The following LYZL4 variants were observed in gnomAD, a reference collection of about 807,000 sequenced individuals.
LYZL4 encodes the protein lysozyme-like protein 4.
LYZL4 carries 13 observed loss-of-function variants against 17.6 expected under a neutral mutation model. That is an observed-to-expected ratio of 0.74 (90% CI 0.48 to 1.18). The LOEUF (loss-of-function observed/expected upper bound fraction) is 1.18, where lower values mean the gene tolerates loss of function less well. Among genes scored for constraint, LYZL4 ranks in the 50% most tolerant of loss-of-function variants. The pLI, the probability that LYZL4 is intolerant of heterozygous loss-of-function variation, is 0.00. For missense variants in LYZL4, 174 were observed against 188.2 expected, an observed-to-expected ratio of 0.92 and a Z score of 0.44; for synonymous variants, 64 against 67.7, an observed-to-expected ratio of 0.95 and a Z score of 0.27.
chr3:42,383,065 C>G, the LYZL4 span, among the ~76,000 whole-genome samples: 1 of 152,208 alleles, frequency 6.6e-6, no homozygotes, highest in South Asian at 2.1e-4. Flanking sequence ...TCCCCCACTA[C>G]TCTAGCAGAA....
the LYZL4 span, among the ~76,000 whole-genome samples, chr3:42,369,991 G>A: frequency 6.6e-6 from 1 of 152,150 alleles, no homozygotes; most frequent in Non-Finnish European, 1.5e-5. Flanking sequence ...AATCCAGCCT[G>A]GGTAACACAG....
At chr3:42,374,959 A>G in the LYZL4 span, among the ~76,000 whole-genome samples, 3 of 151,956 alleles carry the variant, frequency 2.0e-5, no homozygotes, top group Non-Finnish European at 4.4e-5. Context: ...AAAGGGGTGC[A>G]CCACCATACC....
chr3:42,406,323 G>A (rs1216516927), intron 3 of LYZL4, among the ~76,000 whole-genome samples: 1 of 151,740 alleles, frequency 6.6e-6, no homozygotes, highest in Non-Finnish European at 1.5e-5. Context: ...GCATAGTGGC[G>A]GGCGCCTGTA....
chr3:42,380,735 C>A, the LYZL4 span, among the ~76,000 whole-genome samples: 1 of 152,176 alleles, frequency 6.6e-6, no homozygotes, highest in Non-Finnish European at 1.5e-5. Flanking sequence ...CTTATTGGAG[C>A]TTCTGGAGTA....
chr3:42,365,926 G>A, the LYZL4 span, among the ~76,000 whole-genome samples: 1 of 152,094 alleles, frequency 6.6e-6, no homozygotes, highest in Non-Finnish European at 1.5e-5. Flanking sequence ...AAGTAAAACA[G>A]CTACTTAGAA....
At chr3:42,382,059 A>T in the LYZL4 span, among the ~76,000 whole-genome samples, 1 of 152,234 alleles carries the variant, frequency 6.6e-6, no homozygotes, top group Non-Finnish European at 1.5e-5. Context: ...AGAGAGGAGA[A>T]GAAGTAAGAA....
chr3:42,377,625 C>CTGTGTGTGTGTGTG, the LYZL4 span, among the ~76,000 whole-genome samples: 1,062 of 143,750 alleles, frequency 7.4e-3, 10 homozygotes, highest in Admixed American at 0.02. Context: ...GCATGACTCT[C>CTGTGTGTGTGTGTG]TGTGTGTGTG....
At chr3:42,408,721 TG>T (rs1698809567) in intron 1 of LYZL4, among the ~76,000 whole-genome samples, 1 of 152,182 alleles carries the variant, frequency 6.6e-6, no homozygotes, top group East Asian at 1.9e-4. Context: ...CCCTCCTGTT[TG>T]TCACCGTTCA....
the LYZL4 span, among the ~76,000 whole-genome samples, chr3:42,383,802 G>C: frequency 1.3e-5 from 2 of 151,966 alleles, no homozygotes; most frequent in East Asian, 1.9e-4. Flanking sequence ...AAGAAGTCGA[G>C]AAAATTGAGA....
intron 3 of LYZL4, among the ~76,000 whole-genome samples, chr3:42,404,918 G>A (rs918899282): frequency 6.6e-5 from 10 of 152,164 alleles, no homozygotes; most frequent in African/African-American, 2.4e-4. Context: ...ACTAGACTGT[G>A]ATTGTTGTAA....
the LYZL4 span, among the ~76,000 whole-genome samples, chr3:42,379,897 G>C: frequency 6.6e-6 from 1 of 152,192 alleles, no homozygotes; most frequent in African/African-American, 2.4e-5. Context: ...CCTGGGATTA[G>C]TGCTCTTACA....
downstream of LYZL4, among the ~76,000 whole-genome samples, chr3:42,392,810 A>G (rs934887276): frequency 6.6e-6 from 1 of 152,168 alleles, no homozygotes; most frequent in Non-Finnish European, 1.5e-5. Flanking sequence ...CAATGGAAAG[A>G]TATGAGGTGG....
At chr3:42,396,821 C>T (rs957673632), downstream of LYZL4, among the ~76,000 whole-genome samples, 7 of 152,232 alleles carry the variant, frequency 4.6e-5, no homozygotes, top group South Asian at 2.1e-4. Flanking sequence ...CTCCCTTCCC[C>T]GTGTGTCCCA....
chr3:42,374,139 T>A, the LYZL4 span, among the ~76,000 whole-genome samples: 1 of 152,316 alleles, frequency 6.6e-6, no homozygotes, highest in South Asian at 2.1e-4. Context: ...TACCATTGTT[T>A]AAGAACCTTC....
chr3:42,375,158 C>T, the LYZL4 span, among the ~76,000 whole-genome samples: 1 of 152,124 alleles, frequency 6.6e-6, no homozygotes, highest in South Asian at 2.1e-4. Context: ...CCCCCGCCTC[C>T]ACAAGCAGTT....
In LYZL4 at chr3:42,397,212, C is replaced by T. The variant is rs1698563058; in HGVS notation, c.*53G>A. ...TTGACTGAAGCAGCAAGCAGAAAAG[C>T]ACCTTCATTCACAAGATGCAACTGG... On this transcript the variant is annotated 3_prime_UTR_variant, in exon 5 of 5. Transcript: ENST00000287748. The T allele has an allele frequency of 7.2e-6, 9 of 1,251,170 alleles. No individual in the cohort carries two copies. The Admixed American group carries it at 1.4e-4, about 20-fold the overall frequency. 77.5% of individuals were successfully genotyped at this position (1,251,170 alleles called of 1,614,324 possible).
At chr3:42,360,892 C>A in the LYZL4 span, among the ~76,000 whole-genome samples, 1 of 151,950 alleles carries the variant, frequency 6.6e-6, no homozygotes, top group Non-Finnish European at 1.5e-5. Flanking sequence ...TAATTTGGTA[C>A]GCAATTAGGT....
At chr3:42,383,829 A>G in the LYZL4 span, among the ~76,000 whole-genome samples, 1 of 152,260 alleles carries the variant, frequency 6.6e-6, no homozygotes, top group Admixed American at 6.5e-5. Context: ...CCCAGAAAGT[A>G]GAGGAAAAAG....
chr3:42,382,086 T>C, the LYZL4 span, among the ~76,000 whole-genome samples: 2 of 152,216 alleles, frequency 1.3e-5, no homozygotes, highest in Non-Finnish European at 2.9e-5. Flanking sequence ...TCCAATGTCA[T>C]AGGACACATA....
Sources: allele counts gnomAD v4.1 joint callset (sites outside exome capture counted in the v4.1 genomes callset), GRCh38; gene constraint gnomAD v4.1.1; transcripts MANE v1.5; gene names NCBI Gene and HGNC (gene_info 2026-07-23, HGNC 2026-07-21).